The following CYYR1 variants were observed in gnomAD, a reference collection of about 807,000 sequenced individuals.
The protein encoded by CYYR1 is cysteine and tyrosine-rich protein 1.
CYYR1 carries 14 observed loss-of-function variants against 15.2 expected under a neutral mutation model. That is an observed-to-expected ratio of 0.92 (90% CI 0.61 to 1.44). The LOEUF (loss-of-function observed/expected upper bound fraction) is 1.44, where lower values mean the gene tolerates loss of function less well. CYYR1 is among the 40% of genes most tolerant of loss of function. The probability of loss-of-function intolerance (pLI) is 0.00; values close to 1 mark genes in which losing one functional copy is unlikely to be tolerated. For missense variants in CYYR1, 228 were observed against 209.5 expected (o/e 1.09, Z -0.54); for synonymous variants, 80 against 77.4 (o/e 1.03, Z -0.18).
intron 3 of CYYR1, among the ~76,000 whole-genome samples, chr21:26,473,526 G>A (rs1327257135): frequency 2.0e-5 from 3 of 152,162 alleles, no homozygotes; most frequent in Non-Finnish European, 4.4e-5. Context: ...AATTCTGGAA[G>A]GCTTTGCACA....
At chr21:26,530,634 C>T (rs959406421) in intron 2 of CYYR1, among the ~76,000 whole-genome samples, 1 of 151,920 alleles carries the variant, frequency 6.6e-6, no homozygotes, top group Admixed American at 6.6e-5. Flanking sequence ...CTCGACAGGC[C>T]CCGGTGTGTG....
At chr21:26,500,743 A>G (rs1416208255) in intron 2 of CYYR1, among the ~76,000 whole-genome samples, 3 of 152,180 alleles carry the variant, frequency 2.0e-5, no homozygotes, top group Admixed American at 6.5e-5. Flanking sequence ...CCCCAAGGGC[A>G]GGTGACCCAC....
At chr21:26,571,517 T>TAAACAAAC (rs71329845) in intron 1 of CYYR1, among the ~76,000 whole-genome samples, 2 of 152,000 alleles carry the variant, frequency 1.3e-5, no homozygotes, top group Admixed American at 1.3e-4. Flanking sequence ...GGGAATATAA[T>TAAACAAAC]AAACAAACAA....
In CYYR1 at chr21:26,482,168, G is replaced by A. The variant is rs972097103; in HGVS notation, c.177-1739C>T. On this transcript the variant is annotated intron_variant, in intron 2 of 3. Coordinates refer to ENST00000652641, the MANE Select transcript of CYYR1 (RefSeq NM_001320768.2). ...ACAAGATTTATCCTTGGTTAAATCA[G>A]TCTTCAGTATTTACATTGCCATAAC... is the stretch of plus-strand genomic sequence containing the variant. 5 of 487,204 alleles carry A rather than the reference G, an allele frequency of 1.0e-5. No homozygotes were observed. In the African/African-American group the frequency reaches 1.1e-4, roughly 10 times the overall value. The allele number at this position is 487,204 out of a possible 1,614,324, so 30.2% of individuals were successfully genotyped here. A position where few individuals can be genotyped will look rare whatever the true frequency, so the allele number is the denominator to read the frequency against.
chr21:26,559,964 A>T (rs1980085552), intron 2 of CYYR1, among the ~76,000 whole-genome samples: 1 of 152,150 alleles, frequency 6.6e-6, no homozygotes, highest in Admixed American at 6.6e-5. Context: ...CATTCTTTCA[A>T]ATTCAACATA....
chr21:26,563,918 AT>A (rs1980421834), intron 2 of CYYR1, among the ~76,000 whole-genome samples: 1 of 152,238 alleles, frequency 6.6e-6, no homozygotes, highest in South Asian at 2.1e-4. Flanking sequence ...AAACCAAATT[AT>A]AAAAATATTC....
intron 2 of CYYR1, among the ~76,000 whole-genome samples, chr21:26,541,602 C>A (rs1034438204): frequency 2.0e-5 from 3 of 152,108 alleles, no homozygotes; most frequent in Non-Finnish European, 4.4e-5. Context: ...ACTTGCCCTA[C>A]AAGAAAAGCT....
Position 26,507,159 on chromosome 21 carries a change from G to C in CYYR1, c.177-26730C>G, listed in dbSNP as rs372828840. On this transcript the variant is annotated intron_variant, in intron 2 of 3. Coordinates refer to ENST00000652641, the MANE Select transcript of CYYR1 (RefSeq NM_001320768.2). The stretch of plus-strand genomic sequence containing the variant: ...TTTGACACATGAGACATATGTCTCA[G>C]CTCCTTACAGTACCAATCCTGTAAA... 3.3e-5 allele frequency among the ~76,000 whole-genome samples: 5 copies of C among 152,192 alleles called. No individual in the cohort carries two copies. The East Asian group carries it at 9.7e-4, about 29-fold the overall frequency.
At chr21:26,571,221 G>C (rs532109722) in intron 1 of CYYR1, among the ~76,000 whole-genome samples, 1 of 152,288 alleles carries the variant, frequency 6.6e-6, no homozygotes, top group East Asian at 1.9e-4. Flanking sequence ...AGCATAAAAA[G>C]GCCTCTGAAT....
intron 2 of CYYR1, among the ~76,000 whole-genome samples, chr21:26,484,208 A>C (rs2065222089): frequency 6.6e-6 from 1 of 152,102 alleles, no homozygotes; most frequent in Non-Finnish European, 1.5e-5. Flanking sequence ...GACTACACAA[A>C]AGCCCAAGGT....
intron 2 of CYYR1, among the ~76,000 whole-genome samples, chr21:26,496,400 A>G (rs868770422): frequency 1.3e-5 from 2 of 152,216 alleles, no homozygotes; most frequent in Non-Finnish European, 2.9e-5. Flanking sequence ...AAAAAGAGGT[A>G]ATGACTTAAA....
At chr21:26,542,589 C>G (rs1350041996) in intron 2 of CYYR1, among the ~76,000 whole-genome samples, 1 of 151,990 alleles carries the variant, frequency 6.6e-6, no homozygotes, top group East Asian at 1.9e-4. Flanking sequence ...CAGAACAAGG[C>G]AAAGATACCT....
rs575265188 is a variant in CYYR1, at chr21:26,474,399, A to T, written c.335-5765T>A. Among the ~76,000 whole-genome samples the T allele has an allele frequency of 2.6e-4, 37 of 142,192 alleles. 1 individual carries two copies. In the South Asian group the frequency reaches 7.7e-3, roughly 30 times the overall value. The allele number at this position is 142,192 out of a possible 152,430, so 93.3% of individuals were successfully genotyped here. On this transcript the variant is annotated intron_variant, in intron 3 of 3. Coordinates refer to ENST00000652641, the MANE Select transcript of CYYR1 (RefSeq NM_001320768.2). ...ACATATGCCATGAAAAAAGAAGAAT[A>T]CACCGTGCCTTTTTTTTTTTTTTTT... is the stretch of plus-strand genomic sequence containing the variant.
At chr21:26,476,866 G>C (rs1344777812) in intron 3 of CYYR1, among the ~76,000 whole-genome samples, 2 of 152,058 alleles carry the variant, frequency 1.3e-5, no homozygotes, top group South Asian at 2.1e-4. Flanking sequence ...TCCTTTGTTA[G>C]CACTGAAGTT....
chr21:26,498,523 C>T (rs1421564252), intron 2 of CYYR1, among the ~76,000 whole-genome samples: 1 of 152,110 alleles, frequency 6.6e-6, no homozygotes, highest in Non-Finnish European at 1.5e-5. Context: ...GGGTGTTTGA[C>T]TAATGGTTGT....
chr21:26,553,628 T>C lies in CYYR1; in HGVS notation c.176+12638A>G, dbSNP rs538311167. ...TAGTTGGGCAGTATTTCAAATTTTG[T>C]CTGGTTCCCCAATCCACCTGCTAGT... On this transcript the variant is annotated intron_variant, in intron 2 of 3. Coordinates refer to ENST00000652641, the MANE Select transcript of CYYR1 (RefSeq NM_001320768.2). 1.6e-3 allele frequency among the ~76,000 whole-genome samples: 248 copies of C among 152,258 alleles called. 2 individuals carry two copies. The highest frequency in any genetic ancestry group is 3.4e-3 in the Middle Eastern group (1 of 294).
At chr21:26,469,603 T>C (rs1165880651) in intron 3 of CYYR1, among the ~76,000 whole-genome samples, 1 of 152,088 alleles carries the variant, frequency 6.6e-6, no homozygotes, top group Non-Finnish European at 1.5e-5. Context: ...ACCCATCATC[T>C]CAAACATTTG....
At chr21:26,518,730 C>G (rs546435709) in intron 2 of CYYR1, 1 of 152,300 alleles carries the variant, frequency 6.6e-6, no homozygotes, top group South Asian at 2.1e-4. Context: ...TGCTGCCTGA[C>G]CAATATCATC....
At chr21:26,500,644 C>T (rs954022861) in intron 2 of CYYR1, among the ~76,000 whole-genome samples, 2 of 152,060 alleles carry the variant, frequency 1.3e-5, no homozygotes, top group African/African-American at 4.8e-5. Context: ...CCAACAACAG[C>T]TCTCACACTG....
Sources: gnomAD v4.1 joint callset for allele counts (sites outside exome capture counted in the v4.1 genomes callset) on GRCh38, gnomAD v4.1.1 for gene constraint, MANE v1.5 for transcripts, NCBI Gene and HGNC (gene_info 2026-07-23, HGNC 2026-07-21) for gene names.